RNLS: variants seen among roughly 807,000 people sequenced by gnomAD.
RNLS encodes renalase.
In RNLS, 39 loss-of-function variants were observed where a neutral mutation model predicts 39.8. The observed-to-expected ratio is 0.98, with a 90% CI of 0.76 to 1.28. The LOEUF (loss-of-function observed/expected upper bound fraction) is 1.28, where lower values mean the gene tolerates loss of function less well. Ranked by LOEUF, RNLS falls within the 50% of genes most tolerant of loss-of-function variation. The pLI, the probability that RNLS is intolerant of heterozygous loss-of-function variation, is 0.00. For synonymous variants in RNLS, 147 were observed against 150.7 expected (o/e 0.98, Z 0.18); for missense variants, 410 against 413.3 (o/e 0.99, Z 0.07).
the RNLS span, among the ~76,000 whole-genome samples, chr10:88,260,691 T>A: frequency 1.3e-5 from 2 of 152,242 alleles, no homozygotes; most frequent in African/African-American, 4.8e-5. Flanking sequence ...TGTATTCTCC[T>A]CATCCTCCCT....
At chr10:88,266,735 A>C in the RNLS span, among the ~76,000 whole-genome samples, 1,770 of 137,352 alleles carry the variant, frequency 0.013, 12 homozygotes, top group Middle Eastern at 0.022. Context: ...ACACACACAC[A>C]CCCCACACAC....
At chr10:88,336,452 T>C (rs1002392515) in intron 5 of RNLS, among the ~76,000 whole-genome samples, 1 of 152,218 alleles carries the variant, frequency 6.6e-6, no homozygotes, top group Non-Finnish European at 1.5e-5. Flanking sequence ...CCACATAAGA[T>C]AACCATTCTG....
At chr10:88,245,356 G>T in the RNLS span, among the ~76,000 whole-genome samples, 1 of 152,200 alleles carries the variant, frequency 6.6e-6, no homozygotes, top group Non-Finnish European at 1.5e-5. Context: ...CGCTGGCAGG[G>T]AGAGGAGAGC....
the RNLS span, among the ~76,000 whole-genome samples, chr10:88,247,429 G>A: frequency 6.6e-6 from 1 of 152,086 alleles, no homozygotes; most frequent in Non-Finnish European, 1.5e-5. Context: ...GAATGAGTTC[G>A]GAGAATTGAC....
intron 4 of RNLS, among the ~76,000 whole-genome samples, chr10:88,416,564 T>C (rs1854042339): frequency 6.6e-6 from 1 of 152,214 alleles, no homozygotes; most frequent in Non-Finnish European, 1.5e-5. Flanking sequence ...TGAATTATAT[T>C]AATTGGCAAA....
chr10:88,308,431 T>A (rs1437972421), intron 6 of RNLS, among the ~76,000 whole-genome samples: 4 of 123,478 alleles, frequency 3.2e-5, no homozygotes, highest in Middle Eastern at 4.1e-3. Flanking sequence ...CTTAACAAAT[T>A]TACAAAAAAT....
intron 4 of RNLS, among the ~76,000 whole-genome samples, chr10:88,502,752 A>C (rs556989064): frequency 1.6e-4 from 25 of 152,254 alleles, no homozygotes; most frequent in Admixed American, 1.4e-3. Flanking sequence ...GAAGGGCTAC[A>C]CATTAGGAAC....
At chr10:88,477,178 A>G (rs1384268733) in intron 4 of RNLS, among the ~76,000 whole-genome samples, 1 of 152,182 alleles carries the variant, frequency 6.6e-6, no homozygotes, top group African/African-American at 2.4e-5. Flanking sequence ...GTACAGTGTG[A>G]CTAAGCTAAC....
chr10:88,582,282 A>G lies in RNLS; in HGVS notation c.144T>C (p.Ser48=). ...CAGCTGTGCACTGAGGATTATGAGG[A>G]CTGCAGGCTGTAGTCATTCTTCCCC... ...DSGGRMTTAC[S]PHNPQCTADL... is the part of the protein sequence containing the mutation. The change falls in exon 2 of 7, where the codon AGT becomes AGC. Residue 48 remains serine (S), a synonymous_variant. Coordinates refer to ENST00000331772, the MANE Select transcript of RNLS (RefSeq NM_001031709.3). 6.2e-7 allele frequency: 1 copy of G among 1,613,984 alleles called. No homozygotes were observed. The highest frequency in any genetic ancestry group is 8.5e-7 in the Non-Finnish European group (1 of 1,179,924).
the RNLS span, among the ~76,000 whole-genome samples, chr10:88,254,263 C>T: frequency 2.0e-5 from 3 of 152,186 alleles, no homozygotes; most frequent in African/African-American, 4.8e-5. Context: ...TAACTGTGAC[C>T]CTGCCTCTAC....
At chr10:88,460,259 A>T (rs1842872765) in intron 4 of RNLS, among the ~76,000 whole-genome samples, 2 of 152,142 alleles carry the variant, frequency 1.3e-5, no homozygotes, top group Admixed American at 1.3e-4. Flanking sequence ...CTTCTTTTCT[A>T]ACTTCTGTTT....
intron 4 of RNLS, among the ~76,000 whole-genome samples, chr10:88,487,223 G>A (rs563926136): frequency 3.9e-4 from 59 of 152,212 alleles, no homozygotes; most frequent in African/African-American, 4.3e-4. Flanking sequence ...TGGGAGGAGC[G>A]AGACAAGCAT....
chr10:88,173,150 G>A, the RNLS span, among the ~76,000 whole-genome samples: 43 of 151,994 alleles, frequency 2.8e-4, no homozygotes, highest in South Asian at 1.5e-3. Context: ...AAGCCACCGC[G>A]CCCGGCCGAG....
At chr10:88,227,005 C>T in the RNLS span, among the ~76,000 whole-genome samples, 3 of 152,098 alleles carry the variant, frequency 2.0e-5, no homozygotes, top group African/African-American at 7.2e-5. Flanking sequence ...CAACCCACTG[C>T]CTGGTTTTGT....
At chr10:88,241,474 A>G in the RNLS span, among the ~76,000 whole-genome samples, 1 of 152,122 alleles carries the variant, frequency 6.6e-6, no homozygotes, top group Non-Finnish European at 1.5e-5. Flanking sequence ...ATTTTTAAAT[A>G]TTTACTTTTT....
intron 6 of RNLS, among the ~76,000 whole-genome samples, chr10:88,313,335 T>C (rs931663067): frequency 2.0e-5 from 3 of 152,192 alleles, no homozygotes; most frequent in African/African-American, 7.2e-5. Flanking sequence ...AGCTTCAAAG[T>C]ATATCAACAA....
chr10:88,214,861 T>A, the RNLS span, among the ~76,000 whole-genome samples: 1 of 152,194 alleles, frequency 6.6e-6, no homozygotes, highest in Non-Finnish European at 1.5e-5. Flanking sequence ...TTATCTTAAA[T>A]GTGACATTTT....
At chr10:88,537,578 G>A (rs1449044163) in intron 4 of RNLS, among the ~76,000 whole-genome samples, 3 of 152,170 alleles carry the variant, frequency 2.0e-5, no homozygotes, top group Non-Finnish European at 2.9e-5. Context: ...AAATAATGCT[G>A]AGTGGGAGAA....
intron 6 of RNLS, among the ~76,000 whole-genome samples, chr10:88,307,689 A>G (rs1845028869): frequency 6.6e-6 from 1 of 152,268 alleles, no homozygotes; most frequent in African/African-American, 2.4e-5. Flanking sequence ...TGACACAAAC[A>G]AATGGAAAAG....
Sources: allele counts gnomAD v4.1 joint callset (sites outside exome capture counted in the v4.1 genomes callset), GRCh38; gene constraint gnomAD v4.1.1; transcripts MANE v1.5; gene names NCBI Gene and HGNC (gene_info 2026-07-23, HGNC 2026-07-21).